The following COL4A6 variants were observed in gnomAD, a reference collection of about 807,000 sequenced individuals.
COL4A6 encodes the protein collagen type IV alpha 6 chain, also known as collagen alpha-6(IV) chain.
COL4A6 carries 59 observed loss-of-function variants against 126.7 expected under a neutral mutation model. The ratio of observed to expected loss-of-function variants is 0.47; its 90% CI spans 0.38 to 0.58. The LOEUF (loss-of-function observed/expected upper bound fraction) is 0.58, where lower values mean the gene tolerates loss of function less well. Ranked by LOEUF, COL4A6 falls within the 20% of genes least tolerant of loss-of-function variation. The pLI is 0.00. For synonymous variants in COL4A6, 547 were observed against 496.6 expected, an observed-to-expected ratio of 1.10 and a Z score of -1.35; for missense variants, 1,285 against 1,337.3, an observed-to-expected ratio of 0.96 and a Z score of 0.61.
At chrX:108,255,596 G>A (rs55992893) in intron 3 of COL4A6, among the ~76,000 whole-genome samples, 5,491 of 109,945 alleles carry the variant, frequency 0.05, 286 homozygotes, top group African/African-American at 0.15. Flanking sequence ...AGTTCTGTAC[G>A]TACCCTGAAT....
intron 2 of COL4A6, among the ~76,000 whole-genome samples, chrX:108,403,445 T>C (rs2041138177): frequency 9.0e-6 from 1 of 111,028 alleles, no homozygotes; most frequent in Non-Finnish European, 1.9e-5. Flanking sequence ...GTATTTGCAT[T>C]CTGTGCTCCA....
chrX:108,187,220 T>C lies in COL4A6; in HGVS notation c.1827A>G (p.Lys609=). The C allele has an allele frequency of 2.5e-6, 3 of 1,183,852 alleles. No individual in the cohort carries two copies. Among genetic ancestry groups the C allele is most frequent in the Non-Finnish European group, 3.4e-6 (3 of 878,088 alleles). Residue 609 remains lysine, a synonymous_variant, in exon 23 of 45, where the codon AAA becomes AAG. Coordinates refer to ENST00000334504, the MANE Select transcript of COL4A6 (RefSeq NM_033641.4). ...GGAGGCCAGGTGGACCAGGATGGCC[T>C]TTTTCACCAGGAAGTCCAGGTAACC... The part of the protein sequence containing the change: ...EKGLPGLPGE[K]GHPGPPGLPG...
intron 2 of COL4A6, among the ~76,000 whole-genome samples, chrX:108,318,096 C>T (rs1167914411): frequency 4.5e-5 from 5 of 111,800 alleles, no homozygotes; most frequent in Admixed American, 9.5e-5. Context: ...TGTAATCCAG[C>T]ATATAAACAG....
At chrX:108,239,730 A>G (rs2036523394) in intron 3 of COL4A6, among the ~76,000 whole-genome samples, 1 of 111,516 alleles carries the variant, frequency 9.0e-6, no homozygotes, top group Admixed American at 9.5e-5. Context: ...TCTGAGCTCT[A>G]TATTCTATTA....
In COL4A6 at chrX:108,180,918, G is replaced by C; in HGVS notation, c.2002C>G (p.Pro668Ala). Residue 668 changes from proline to alanine, a missense_variant, in exon 24 of 45, where the codon CCA becomes GCA. Physicochemically the swap from Pro to Ala is conservative, Grantham distance 27. Coordinates refer to ENST00000334504, the MANE Select transcript of COL4A6 (RefSeq NM_033641.4). ...ATACCTGGGAATCCGGGAGTGCCTG[G>C]AAATCCTGATGGACCGTATGACCCA... ...IPGSYGPSGF[P>A]GTPGFPGPKG... 8.3e-7 allele frequency: 1 copy of C among 1,211,273 alleles called. No individual in the cohort carries two copies. The highest frequency in any genetic ancestry group is 1.1e-6 in the Non-Finnish European group (1 of 894,920).
intron 2 of COL4A6, among the ~76,000 whole-genome samples, chrX:108,313,287 G>C (rs1327854457): frequency 9.0e-6 from 1 of 111,315 alleles, no homozygotes; most frequent in Admixed American, 9.5e-5. Context: ...TTTCCACCTT[G>C]GAATGCTCTC....
intron 23 of COL4A6, among the ~76,000 whole-genome samples, chrX:108,186,297 C>G (rs1303179203): frequency 9.0e-6 from 1 of 111,671 alleles, no homozygotes; most frequent in East Asian, 2.8e-4. Context: ...CTTACTCCAA[C>G]AAGCATATAG....
intron 2 of COL4A6, among the ~76,000 whole-genome samples, chrX:108,393,606 A>C (rs944144903): frequency 3.6e-5 from 4 of 112,370 alleles, no homozygotes; most frequent in Admixed American, 2.8e-4. Flanking sequence ...CCATTGAACT[A>C]TACACTTTAA....
At chrX:108,246,794 G>A (rs1035270822) in intron 3 of COL4A6, among the ~76,000 whole-genome samples, 14 of 110,600 alleles carry the variant, frequency 1.3e-4, no homozygotes, top group Non-Finnish European at 2.7e-4. Flanking sequence ...GGGACAGGAA[G>A]GGGGGTATCT....
Position 108,187,269 on chromosome X carries a change from C to T in COL4A6, c.1778G>A (p.Gly593Glu), listed in dbSNP as rs769424757. The change falls in exon 23 of 45, where the codon GGA becomes GAA. Residue 593 changes from glycine (G) to glutamate (E), a missense_variant. Transcript: ENST00000334504. Reference sequence around the variant, plus strand: ...CCCCTTTTCACCTGGGAAGCCCTGTCCACCATCACCCTAGACAACATATAA... The same window carrying T: ...CCCCTTTTCACCTGGGAAGCCCTGTTCACCATCACCCTAGACAACATATAA... The part of the protein sequence containing the change: ...PGLPGLPGDG[G>E]QGFPGEKGLP... The T allele has an allele frequency of 8.7e-7, 1 of 1,155,301 alleles. No individual in the cohort carries two copies. The highest frequency in any genetic ancestry group is 2.1e-5 in the South Asian group (1 of 47,124).
At position 108,171,342 on chromosome X, in the gene COL4A6, T is replaced by G. The variant is rs2034295038; in HGVS notation, c.3277+45A>C. ...CAAAATTCCTTCTAATCCTCAGTTT[T>G]GTGGAGTCTGTGAGGCAAACAAGAC... On this transcript the variant is annotated intron_variant, in intron 33 of 44. Transcript: ENST00000334504. The G allele has an allele frequency of 2.7e-6, 3 of 1,105,511 alleles. No homozygotes were observed. In the South Asian group the frequency reaches 5.7e-5, roughly 21 times the overall value. The allele number at this position is 1,105,511 out of a possible 1,213,427, so 91.1% of individuals were successfully genotyped here.
intron 4 of COL4A6, among the ~76,000 whole-genome samples, chrX:108,220,706 C>T: frequency 8.9e-6 from 1 of 112,646 alleles, no homozygotes; most frequent in African/African-American, 3.2e-5. Context: ...ACAGTGAGCC[C>T]ACTTGTTTAG....
At chrX:108,431,336 G>C (rs889318123) in intron 2 of COL4A6, among the ~76,000 whole-genome samples, 3 of 111,850 alleles carry the variant, frequency 2.7e-5, no homozygotes, top group Non-Finnish European at 5.6e-5. Context: ...CCCAAATGTT[G>C]AAATCCCAAA....
At chrX:108,300,542 A>G (rs2038459555) in intron 3 of COL4A6, among the ~76,000 whole-genome samples, 1 of 110,320 alleles carries the variant, frequency 9.1e-6, no homozygotes, top group Non-Finnish European at 1.9e-5. Context: ...CATGTCTCTT[A>G]CTCCAATCCA....
At position 108,171,396 on chromosome X, in the gene COL4A6, C is replaced by T. The variant is rs774232612; in HGVS notation, c.3268G>A (p.Gly1090Ser). Reference protein sequence around the residue: ...PGPKGQPGESGFKGTKGRDGL... With the variant: ...PGPKGQPGESSFKGTKGRDGL... ...AATATAGCAACCTTACCTTTAAAAC[C>T]AGATTCGCCAGGCTGTCCCTTGGGT... Residue 1090 changes from glycine to serine, a missense_variant, in exon 33 of 45, where the codon GGT becomes AGT. By Grantham distance (56) the Gly-to-Ser change is moderately conservative. Transcript: ENST00000334504. 2 of 1,209,920 alleles carry T rather than the reference C, an allele frequency of 1.7e-6. No homozygotes were observed. The highest frequency in any genetic ancestry group is 3.5e-5 in the South Asian group (2 of 56,636).
At chrX:108,159,388 G>A (rs1174868520) in intron 44 of COL4A6, 74 bp downstream of exon 44, 3 of 1,080,863 alleles carry the variant, frequency 2.8e-6, no homozygotes, top group Non-Finnish European at 3.8e-6. Flanking sequence ...TCTACCTGGT[G>A]TCCCTTGAGC....
In COL4A6 at chrX:108,162,902, T is replaced by C; in HGVS notation, c.4206A>G (p.Val1402=). 5.0e-6 allele frequency: 6 copies of C among 1,188,127 alleles called. No individual in the cohort carries two copies. Among genetic ancestry groups the C allele is most frequent in the Non-Finnish European group, 6.8e-6 (6 of 885,819 alleles). Reference sequence around the variant, plus strand: ...TGGCACCCTCCTCACCTTGTAGGCCTACAGGGCCTTGAGCCCCAGGGTCCC... The same window carrying C: ...TGGCACCCTCCTCACCTTGTAGGCCCACAGGGCCTTGAGCCCCAGGGTCCC... The part of the protein sequence containing the change: ...LTGDPGAQGP[V]GLQGSKGLPG... The change falls in exon 41 of 45, where the codon GTA becomes GTG. Residue 1402 remains valine (V), a synonymous_variant. Transcript: ENST00000334504.
chrX:108,317,784 T>C (rs2038920386), intron 2 of COL4A6, among the ~76,000 whole-genome samples: 1 of 112,098 alleles, frequency 8.9e-6, no homozygotes, highest in Non-Finnish European at 1.9e-5. Flanking sequence ...TCCATTGATC[T>C]ATATCTCTGT....
intron 31 of COL4A6, among the ~76,000 whole-genome samples, chrX:108,174,210 C>G (rs752547331): frequency 2.7e-5 from 3 of 111,389 alleles, no homozygotes; most frequent in Non-Finnish European, 5.7e-5. Flanking sequence ...ATTGTAAAGG[C>G]AAGAGAAGGC....
Sources: allele counts gnomAD v4.1 joint callset (sites outside exome capture counted in the v4.1 genomes callset), GRCh38; gene constraint gnomAD v4.1.1; transcripts MANE v1.5; gene names NCBI Gene and HGNC (gene_info 2026-07-23, HGNC 2026-07-21).